The following CDH26 variants were observed in gnomAD, a reference collection of about 807,000 sequenced individuals.
CDH26 encodes cadherin-like protein 26.
A neutral mutation model predicts 90.3 loss-of-function variants in CDH26; 83 were observed. That is an observed-to-expected ratio of 0.92 (90% confidence interval 0.77 to 1.10). The LOEUF (loss-of-function observed/expected upper bound fraction) is 1.10, where lower values mean the gene tolerates loss of function less well. Ranked by LOEUF, CDH26 falls within the 50% of genes least tolerant of loss-of-function variation. The pLI is 0.00. For missense variants in CDH26, 1,013 were observed against 1,037.6 expected, an observed-to-expected ratio of 0.98 and a Z score of 0.33; for synonymous variants, 397 against 396.3, an observed-to-expected ratio of 1.00 and a Z score of -0.02.
At chr20:60,002,172 AG>A (rs960581225) in intron 15 of CDH26, among the ~76,000 whole-genome samples, 3 of 152,220 alleles carry the variant, frequency 2.0e-5, no homozygotes, top group African/African-American at 7.2e-5. Flanking sequence ...AATAAATTCA[AG>A]ATCTCTATAA....
chr20:59,971,144 T>C (rs2061256469), intron 3 of CDH26, among the ~76,000 whole-genome samples: 1 of 152,168 alleles, frequency 6.6e-6, no homozygotes, highest in African/African-American at 2.4e-5. Flanking sequence ...TAAGTTCTGC[T>C]ATAGCTGTGG....
At chr20:59,961,502 G>A (rs6071048) in intron 1 of CDH26, among the ~76,000 whole-genome samples, 2,953 of 152,262 alleles carry the variant, frequency 0.019, 41 homozygotes, top group Middle Eastern at 0.041. Context: ...AATTGGCTAT[G>A]AGTAACATTC....
At chr20:60,024,860 G>A (rs1475511976) in intron 7 of CDH26, among the ~76,000 whole-genome samples, 1 of 152,234 alleles carries the variant, frequency 6.6e-6, no homozygotes, top group Non-Finnish European at 1.5e-5. Flanking sequence ...TGACCTAGCT[G>A]TGACCAGGTG....
intron 12 of CDH26, 72 bp from the exon 13 acceptor site, chr20:59,996,559 A>G (rs1242730620): frequency 1.2e-6 from 2 of 1,614,226 alleles, no homozygotes; most frequent in Admixed American, 1.7e-5. Flanking sequence ...ACATGAACAG[A>G]ACAAGATCCT....
rs201751321 is a variant in CDH26 at position 60,012,578 on chromosome 20, G to A, written c.2347G>A (p.Val783Ile). 103 of 1,613,920 alleles carry A rather than the reference G, an allele frequency of 6.4e-5. No individual in the cohort carries two copies. The East Asian group carries it at 8.0e-4, about 13-fold the overall frequency. Residue 783 changes from valine (V) to isoleucine (I), a missense_variant, in exon 18 of 18, where the codon GTC (valine) becomes ATC (isoleucine). Val to Ile is a conservative substitution (Grantham distance 29). Coordinates refer to ENST00000348616, the MANE Select transcript of CDH26 (RefSeq NM_177980.4). ...AGATGACCCCGGCTACCTACCTCAC[G>A]TCTACAGCGAGGAAGGGGAGTGTGG... The part of the protein sequence containing the change: ...LEDDPGYLPH[V>I]YSEEGECGGA...
chr20:59,992,342 A>C lies in CDH26; in HGVS notation c.1284-36A>C. The C allele has an allele frequency of 6.3e-7, 1 of 1,588,144 alleles. No individual in the cohort carries two copies. Among genetic ancestry groups the C allele is most frequent in the Non-Finnish European group, 8.5e-7 (1 of 1,170,044 alleles). On this transcript the variant is annotated intron_variant, in intron 9 of 17. Transcript: ENST00000348616. The surrounding 1 kb of genome is among the most constrained non-coding windows in gnomAD (Gnocchi z 5.0). ...TTTTTATCTTTTAATGTAAGTTTTT[A>C]ATTTTAAAAATTGCTGTCCGTTTTC... is the stretch of plus-strand genomic sequence containing the variant.
At chr20:59,979,665 C>T (rs1018333622) in intron 4 of CDH26, among the ~76,000 whole-genome samples, 10 of 111,902 alleles carry the variant, frequency 8.9e-5, no homozygotes, top group African/African-American at 1.0e-4. Context: ...TCACTGTTGT[C>T]GCCCAGGCTG....
exon 9 of CDH26, chr20:60,033,540 A>C (rs1484751009): frequency 1.5e-6 from 2 of 1,304,336 alleles, no homozygotes. Context: ...AAGGTTATGC[A>C]GCTGAGAAAT....
At chr20:59,986,999 C>T (rs1482392599) in intron 7 of CDH26, among the ~76,000 whole-genome samples, 3 of 152,078 alleles carry the variant, frequency 2.0e-5, no homozygotes, top group Non-Finnish European at 2.9e-5. Context: ...ACATTGCCTC[C>T]AAAAGTATTG....
chr20:60,018,852 T>A (rs528505690), downstream of CDH26, among the ~76,000 whole-genome samples: 1 of 151,942 alleles, frequency 6.6e-6, no homozygotes, highest in East Asian at 1.9e-4. Context: ...GTTATTTTCT[T>A]TTCACTTCTA....
intron 16 of CDH26, among the ~76,000 whole-genome samples, chr20:60,005,478 C>CTGTATGTA (rs35310546): frequency 0.045 from 6,675 of 147,682 alleles, 163 homozygotes; most frequent in African/African-American, 0.072. Context: ...GTGTATATAT[C>CTGTATGTA]TGTATGTATG....
At chr20:60,018,702 CTTTTTTTTTTTTTTTTT>C (rs55994712), downstream of CDH26, among the ~76,000 whole-genome samples, 468 of 17,854 alleles carry the variant, frequency 0.026, 11 homozygotes, top group South Asian at 0.035. Context: ...CTCTTACTGC[CTTTTTTTTTTTTTTTTT>C]TTTTTTTTTT....
At chr20:59,988,802 C>A (rs77588537) in intron 8 of CDH26, 102 bp from the exon 9 acceptor site, 1 of 1,305,734 alleles carries the variant, frequency 7.7e-7, no homozygotes, top group Non-Finnish European at 1.1e-6. Flanking sequence ...AAATGAAGTG[C>A]AAAAGCCACA....
Position 60,004,445 on chromosome 20 carries a change from C to A in CDH26, c.2220+1579C>A, listed in dbSNP as rs574983295. Among the ~76,000 whole-genome samples the A allele has an allele frequency of 2.0e-5, 3 of 152,186 alleles. No homozygotes were observed. In the South Asian group the frequency reaches 6.2e-4, roughly 32 times the overall value. On this transcript the variant is annotated intron_variant, in intron 16 of 17. Transcript: ENST00000348616. ...ATGTGACTGTACTGAATACTGTAGG[C>A]AATTGGAACACAATGGTGTTTGTGT...
chr20:59,983,497 C>G (rs2061418856), intron 5 of CDH26, among the ~76,000 whole-genome samples: 1 of 148,048 alleles, frequency 6.8e-6, no homozygotes, highest in African/African-American at 2.4e-5. Context: ...TAACAAAAAT[C>G]ATTTTTTTGT....
intron 17 of CDH26, among the ~76,000 whole-genome samples, chr20:60,009,501 A>G (rs1459009559): frequency 6.6e-6 from 1 of 152,230 alleles, no homozygotes; most frequent in Non-Finnish European, 1.5e-5. Context: ...ACAGTATCGC[A>G]GGTCCTGCCT....
In CDH26 at chr20:59,994,275, G is replaced by A. The variant is rs1569045545; in HGVS notation, c.1452G>A (p.Gly484=). 3.7e-6 allele frequency: 6 copies of A among 1,613,730 alleles called. No homozygotes were observed. The highest frequency in any genetic ancestry group is 5.1e-6 in the Non-Finnish European group (6 of 1,179,946). ...GCTTCCCACCGCAGACTGCTACAGGGACCCTAATGCTCTTCCTGTCTGACA... is the reference window on the plus strand; with the variant it reads ...GCTTCCCACCGCAGACTGCTACAGGAACCCTAATGCTCTTCCTGTCTGACA... ...DDGFPPQTAT[G]TLMLFLSDIN... The change falls in exon 11 of 18, where the codon GGG becomes GGA. Residue 484 remains glycine (G), a synonymous_variant. Coordinates refer to ENST00000348616, the MANE Select transcript of CDH26 (RefSeq NM_177980.4).
intron 4 of CDH26, among the ~76,000 whole-genome samples, chr20:59,975,469 T>C (rs2061316703): frequency 6.6e-6 from 1 of 152,146 alleles, no homozygotes; most frequent in Admixed American, 6.5e-5. Flanking sequence ...CCTACAGAGC[T>C]GTGAGAGAAT....
intron 17 of CDH26, among the ~76,000 whole-genome samples, chr20:60,008,023 C>T (rs1005341139): frequency 6.6e-6 from 1 of 152,156 alleles, no homozygotes; most frequent in African/African-American, 2.4e-5. Context: ...AGGGCAGAGC[C>T]AGTCCACATG....
Sources: gnomAD v4.1 joint callset for allele counts (sites outside exome capture counted in the v4.1 genomes callset) on GRCh38, gnomAD v4.1.1 for gene constraint, Gnocchi (gnomAD v3.1) non-coding constraint, MANE v1.5 for transcripts, NCBI Gene and HGNC (gene_info 2026-07-23, HGNC 2026-07-21) for gene names.